The following HEMK2 variants were observed in gnomAD, a reference collection of about 807,000 sequenced individuals.
HEMK2 encodes methyltransferase HEMK2.
chr21:28,872,407 CAT>C, the HEMK2 span: 5 of 152,294 alleles, frequency 3.3e-5, no homozygotes, highest in African/African-American at 9.6e-5. Flanking sequence ...CCTTACTGCA[CAT>C]GTGTTGAGAA....
chr21:28,723,375 G>T, the HEMK2 span, among the ~76,000 whole-genome samples: 11 of 152,090 alleles, frequency 7.2e-5, no homozygotes, highest in Non-Finnish European at 1.2e-4. Flanking sequence ...CACTTGCATG[G>T]AGACAACTCC....
the HEMK2 span, among the ~76,000 whole-genome samples, chr21:28,773,046 G>C: frequency 2.0e-5 from 3 of 152,104 alleles, no homozygotes; most frequent in Non-Finnish European, 4.4e-5. Context: ...GAAGCGGTTT[G>C]CTCATTTTAA....
chr21:28,778,282 G>A, the HEMK2 span, among the ~76,000 whole-genome samples: 4 of 152,164 alleles, frequency 2.6e-5, no homozygotes, highest in South Asian at 4.1e-4. Flanking sequence ...CCAAGTTGTC[G>A]AATGTATGAG....
the HEMK2 span, among the ~76,000 whole-genome samples, chr21:28,651,726 A>T: frequency 1.3e-5 from 2 of 152,240 alleles, no homozygotes; most frequent in African/African-American, 4.8e-5. Context: ...ACCACCTCAG[A>T]GAATCTCTGG....
At chr21:28,833,423 TG>T in the HEMK2 span, among the ~76,000 whole-genome samples, 2 of 152,292 alleles carry the variant, frequency 1.3e-5, no homozygotes, top group African/African-American at 4.8e-5. Context: ...CATAAACAGA[TG>T]GATGTGACAA....
the HEMK2 span, among the ~76,000 whole-genome samples, chr21:28,799,170 G>A: frequency 6.6e-6 from 1 of 152,118 alleles, no homozygotes; most frequent in Non-Finnish European, 1.5e-5. Context: ...CCCAAGACTG[G>A]GCAATTTACA....
At chr21:28,851,071 G>A in the HEMK2 span, among the ~76,000 whole-genome samples, 1 of 152,182 alleles carries the variant, frequency 6.6e-6, no homozygotes, top group East Asian at 1.9e-4. Context: ...TTGATAGGCA[G>A]TTCAGGTCGC....
At chr21:28,677,920 AG>A in the HEMK2 span, among the ~76,000 whole-genome samples, 13 of 152,226 alleles carry the variant, frequency 8.5e-5, no homozygotes, top group Admixed American at 2.0e-4. Context: ...CAAAGACCAA[AG>A]GTAGATAAAA....
chr21:28,746,594 T>G, the HEMK2 span, among the ~76,000 whole-genome samples: 1 of 151,382 alleles, frequency 6.6e-6, no homozygotes, highest in South Asian at 2.1e-4. Context: ...CAAAATAGGG[T>G]GACGTGATAG....
chr21:28,817,279 CTTAT>C, the HEMK2 span, among the ~76,000 whole-genome samples: 1 of 152,014 alleles, frequency 6.6e-6, no homozygotes, highest in African/African-American at 2.4e-5. Flanking sequence ...ACTCAGAAAG[CTTAT>C]TTGTTTACCC....
the HEMK2 span, among the ~76,000 whole-genome samples, chr21:28,844,066 AT>A: frequency 1.3e-5 from 2 of 152,148 alleles, no homozygotes; most frequent in Non-Finnish European, 2.9e-5. Flanking sequence ...ATGTGAAGCA[AT>A]AAGAGAAATG....
chr21:28,659,213 C>T, the HEMK2 span, among the ~76,000 whole-genome samples: 15 of 152,170 alleles, frequency 9.9e-5, no homozygotes, highest in East Asian at 2.9e-3. Flanking sequence ...AAGCTTTATT[C>T]AATAAAGAAA....
At chr21:28,642,580 GTTC>G in the HEMK2 span, among the ~76,000 whole-genome samples, 1 of 152,296 alleles carries the variant, frequency 6.6e-6, no homozygotes. Context: ...CAACACCAGG[GTTC>G]TTGTCTGGTG....
chr21:28,825,972 A>T, the HEMK2 span, among the ~76,000 whole-genome samples: 1 of 152,268 alleles, frequency 6.6e-6, no homozygotes, highest in Non-Finnish European at 1.5e-5. Flanking sequence ...CTGGAAAACG[A>T]GGCAGAGAGC....
the HEMK2 span, among the ~76,000 whole-genome samples, chr21:28,739,355 TAAAGA>T: frequency 6.6e-6 from 1 of 152,208 alleles, no homozygotes; most frequent in Admixed American, 6.5e-5. Context: ...CACAACTAAT[TAAAGA>T]AGTGTTTTCT....
chr21:28,619,462 T>C, the HEMK2 span, among the ~76,000 whole-genome samples: 1 of 152,230 alleles, frequency 6.6e-6, no homozygotes, highest in Non-Finnish European at 1.5e-5. Flanking sequence ...GGATTTACTT[T>C]CACCAAATCT....
At chr21:28,812,254 A>G in the HEMK2 span, among the ~76,000 whole-genome samples, 6 of 152,172 alleles carry the variant, frequency 3.9e-5, no homozygotes, top group Non-Finnish European at 8.8e-5. Flanking sequence ...GCTTTTGCCC[A>G]TTTAGTATGA....
the HEMK2 span, among the ~76,000 whole-genome samples, chr21:28,867,800 C>T: frequency 6.6e-6 from 1 of 152,260 alleles, no homozygotes; most frequent in Non-Finnish European, 1.5e-5. Context: ...GAACAAAACC[C>T]TTTACTGCAA....
chr21:28,884,411 C>G, the HEMK2 span, among the ~76,000 whole-genome samples: 2 of 152,162 alleles, frequency 1.3e-5, no homozygotes, highest in African/African-American at 2.4e-5. Flanking sequence ...ATCTTTGAAA[C>G]CTGAAAGCTG....
Sources: allele counts gnomAD v4.1 joint callset (sites outside exome capture counted in the v4.1 genomes callset), GRCh38; gene constraint gnomAD v4.1.1; transcripts MANE v1.5; gene names NCBI Gene and HGNC (gene_info 2026-07-23, HGNC 2026-07-21).